The following ARSG variants were observed in gnomAD, a reference collection of about 807,000 sequenced individuals.
The protein encoded by ARSG is ASG.
A neutral mutation model predicts 50.5 loss-of-function variants in ARSG; 37 were observed. That is an observed-to-expected ratio of 0.73 (90% confidence interval 0.56 to 0.96). The LOEUF (loss-of-function observed/expected upper bound fraction) is 0.96, where lower values mean the gene tolerates loss of function less well. Among genes scored for constraint, ARSG ranks in the 50% least tolerant of loss-of-function variants. The probability of loss-of-function intolerance (pLI) is 0.00; values close to 1 mark genes in which losing one functional copy is unlikely to be tolerated. For synonymous variants in ARSG, 225 were observed against 254.6 expected (o/e 0.88, Z 1.11); for missense variants, 629 against 675.3 (o/e 0.93, Z 0.76).
chr17:68,343,368 G>C (rs1364813234), intron 2 of ARSG, among the ~76,000 whole-genome samples: 1 of 152,102 alleles, frequency 6.6e-6, no homozygotes, highest in Non-Finnish European at 1.5e-5. Flanking sequence ...TGTTGGCCAG[G>C]CTGGTCTTGA....
At chr17:68,449,651 A>G in the ARSG span, among the ~76,000 whole-genome samples, 1 of 152,188 alleles carries the variant, frequency 6.6e-6, no homozygotes, top group Non-Finnish European at 1.5e-5. Flanking sequence ...CCTGCCACGT[A>G]AGACGCCTGC....
chr17:68,368,039 C>T (rs1165856087), intron 6 of ARSG, among the ~76,000 whole-genome samples: 3 of 152,088 alleles, frequency 2.0e-5, no homozygotes. Context: ...CACTGCACTC[C>T]AGCCTGGGCG....
At chr17:68,444,436 G>T in the ARSG span, 7 of 1,507,456 alleles carry the variant, frequency 4.6e-6, no homozygotes, top group Non-Finnish European at 6.4e-6. Context: ...TAAAGCTTGG[G>T]AAAGAAGCAC....
At chr17:68,347,692 C>G (rs1478965381) in intron 4 of ARSG, among the ~76,000 whole-genome samples, 1 of 152,182 alleles carries the variant, frequency 6.6e-6, no homozygotes, top group Non-Finnish European at 1.5e-5. Context: ...GGCGGATTCT[C>G]CAAACGTCCA....
downstream of ARSG, chr17:68,421,831 C>A: frequency 6.2e-7 from 1 of 1,614,142 alleles, no homozygotes; most frequent in Admixed American, 1.7e-5. Flanking sequence ...CTACCAAAAT[C>A]AAAACAGAAT....
At chr17:68,273,586 C>G (rs1380324334) in intron 1 of ARSG, among the ~76,000 whole-genome samples, 3 of 152,166 alleles carry the variant, frequency 2.0e-5, no homozygotes, top group Non-Finnish European at 1.5e-5. Flanking sequence ...TGCACTTCCC[C>G]TACAGCCCTG....
chr17:68,398,449 A>T (rs1176132063), intron 10 of ARSG, among the ~76,000 whole-genome samples: 1 of 152,230 alleles, frequency 6.6e-6, no homozygotes, highest in East Asian at 1.9e-4. Flanking sequence ...ACACAGATGC[A>T]TATGTCTGTA....
chr17:68,346,275 T>A (rs532886850), intron 3 of ARSG, among the ~76,000 whole-genome samples: 149 of 152,246 alleles, frequency 9.8e-4, no homozygotes, highest in African/African-American at 3.5e-3. Context: ...AGGCCCTTCA[T>A]CCAGTTTCAC....
intron 2 of ARSG, among the ~76,000 whole-genome samples, chr17:68,314,523 C>T (rs1389235306): frequency 1.3e-5 from 1 of 74,172 alleles, no homozygotes; most frequent in Non-Finnish European, 3.4e-5. Context: ...AAGACTCCAT[C>T]TCAAAAAAAA....
At position 68,265,750 on chromosome 17, in the gene ARSG, GT is replaced by G. The variant is rs1363412892; in HGVS notation, c.-552+6326del. Among the ~76,000 whole-genome samples the G allele has an allele frequency of 1.6e-3, 197 of 120,700 alleles. 4 individuals are homozygous for G. The highest frequency in any genetic ancestry group is 3.1e-3 in the African/African-American group (91 of 29,296). The allele number at this position is 120,700 out of a possible 152,430, so 79.2% of individuals were successfully genotyped here. ...TTCAGCCTGAGAGCTAATAGTGTGT[GT>G]TGTTTTTTTTTTTTTAACATTTTTA... On this transcript the variant is annotated intron_variant, in intron 1 of 11. Transcript: ENST00000448504.
chr17:68,362,756 G>A (rs1008340495), intron 6 of ARSG, among the ~76,000 whole-genome samples: 12 of 152,090 alleles, frequency 7.9e-5, no homozygotes, highest in Non-Finnish European at 1.5e-5. Flanking sequence ...GAGTATTTTG[G>A]ATTTTCAGAT....
the ARSG span, among the ~76,000 whole-genome samples, chr17:68,437,937 G>A: frequency 1.4e-5 from 1 of 69,548 alleles, no homozygotes; most frequent in African/African-American, 5.1e-5. Flanking sequence ...ACGCAAGAGA[G>A]ACATCTCTCT....
At chr17:68,412,055 G>A (rs1260392845) in intron 11 of ARSG, among the ~76,000 whole-genome samples, 1 of 152,170 alleles carries the variant, frequency 6.6e-6, no homozygotes, top group Non-Finnish European at 1.5e-5. Flanking sequence ...GCACACTGAT[G>A]GGTCTTGACT....
At chr17:68,407,098 T>A (rs2081760900) in intron 11 of ARSG, among the ~76,000 whole-genome samples, 1 of 152,220 alleles carries the variant, frequency 6.6e-6, no homozygotes, top group African/African-American at 2.4e-5. Context: ...GGCTAGCCAA[T>A]TATCCCAGCA....
rs2076644875 is a variant in ARSG, at chr17:68,307,353, G to A, written c.-141G>A. On this transcript the variant is annotated 5_prime_UTR_variant, in exon 2 of 12. Transcript: ENST00000621439. ...AGCCGTTATCACTGCCATCACCACTGCCACCAGCATCTTCTTGCAGATTCC... is the reference window on the plus strand; with the variant it reads ...AGCCGTTATCACTGCCATCACCACTACCACCAGCATCTTCTTGCAGATTCC... 3.0e-6 allele frequency: 2 copies of A among 663,090 alleles called. No homozygotes were observed. The highest frequency in any genetic ancestry group is 3.8e-5 in the South Asian group (2 of 52,832). 41.1% of individuals were successfully genotyped at this position (663,090 alleles called of 1,614,324 possible).
chr17:68,346,940 C>T (rs770621013), intron 3 of ARSG, 185 bp from the exon 4 acceptor site: 1 of 1,510,630 alleles, frequency 6.6e-7, no homozygotes, highest in African/African-American at 1.4e-5. Flanking sequence ...CTTTATGTGT[C>T]CCTGTGGACA....
At chr17:68,261,043 GA>G (rs1371858729) in intron 1 of ARSG, among the ~76,000 whole-genome samples, 4 of 152,102 alleles carry the variant, frequency 2.6e-5, no homozygotes, top group Non-Finnish European at 4.4e-5. Flanking sequence ...TGGGCACTCT[GA>G]GACCCATCCA....
At chr17:68,318,943 A>C (rs1446319756) in intron 2 of ARSG, among the ~76,000 whole-genome samples, 2 of 152,140 alleles carry the variant, frequency 1.3e-5, no homozygotes, top group African/African-American at 2.4e-5. Flanking sequence ...GGCTTTTTGC[A>C]AGAGTTCATG....
chr17:68,282,145 T>C (rs2075713608), intron 1 of ARSG, among the ~76,000 whole-genome samples: 1 of 152,120 alleles, frequency 6.6e-6, no homozygotes, highest in Non-Finnish European at 1.5e-5. Context: ...ATGTGGCACA[T>C]ATATACCATG....
Sources: allele counts gnomAD v4.1 joint callset (sites outside exome capture counted in the v4.1 genomes callset), GRCh38; gene constraint gnomAD v4.1.1; transcripts MANE v1.5; gene names NCBI Gene and HGNC (gene_info 2026-07-23, HGNC 2026-07-21).